IL34: variants seen among roughly 807,000 people sequenced by gnomAD.
The protein encoded by IL34 is interleukin-34.
Under a neutral mutation model 25.3 loss-of-function variants are expected in IL34, and 17 were observed. The ratio of observed to expected loss-of-function variants is 0.67; its 90% CI spans 0.46 to 1.01. IL34 has a LOEUF of 1.01. IL34 is among the 50% of genes least tolerant of loss of function. IL34 has a pLI of 0.00. For synonymous variants in IL34, 174 were observed against 140.9 expected (o/e 1.23, Z -1.66); for missense variants, 368 against 312.9 (o/e 1.18, Z -1.33).
chr16:70,655,862 C>T (rs1299295113), intron 2 of IL34, among the ~76,000 whole-genome samples: 1 of 152,212 alleles, frequency 6.6e-6, no homozygotes, highest in African/African-American at 2.4e-5. Context: ...GCGTGAGCCA[C>T]TGCACCTGGC....
chr16:70,620,020 T>G (rs2051247227), intron 1 of IL34, among the ~76,000 whole-genome samples: 1 of 151,838 alleles, frequency 6.6e-6, no homozygotes, highest in Admixed American at 6.6e-5. Flanking sequence ...TGGCTGGGGT[T>G]TGTCTCACAG....
At chr16:70,645,118 AGAG>A (rs201952663), upstream of IL34, among the ~76,000 whole-genome samples, 1 of 104,006 alleles carries the variant, frequency 9.6e-6, no homozygotes, top group Non-Finnish European at 2.2e-5. Flanking sequence ...AGGAGGAAGA[AGAG>A]GGAGGAAGGA....
chr16:70,635,778 C>T (rs1198529121), intron 1 of IL34, among the ~76,000 whole-genome samples: 1 of 152,176 alleles, frequency 6.6e-6, no homozygotes, highest in African/African-American at 2.4e-5. Flanking sequence ...CATTTTTTTA[C>T]TATTAGTAAT....
chr16:70,627,051 C>G (rs1286025662), intron 1 of IL34, among the ~76,000 whole-genome samples: 6 of 152,054 alleles, frequency 3.9e-5, no homozygotes, highest in African/African-American at 1.4e-4. Flanking sequence ...TGGTCTTGAA[C>G]TTCTGGACTC....
chr16:70,603,172 A>G (rs1191251654), intron 1 of IL34, among the ~76,000 whole-genome samples: 1 of 152,244 alleles, frequency 6.6e-6, no homozygotes, highest in Non-Finnish European at 1.5e-5. Flanking sequence ...AATGTAAGAG[A>G]CAGTTCTTCT....
chr16:70,590,380 G>C (rs1278900038), intron 1 of IL34, among the ~76,000 whole-genome samples: 2 of 152,212 alleles, frequency 1.3e-5, no homozygotes, highest in Non-Finnish European at 2.9e-5. Flanking sequence ...GGATTGGGGA[G>C]CTCCCCATTA....
intron 1 of IL34, among the ~76,000 whole-genome samples, chr16:70,625,635 A>G (rs896301660): frequency 1.3e-5 from 2 of 152,126 alleles, no homozygotes; most frequent in Non-Finnish European, 2.9e-5. Context: ...ATAATCAGAG[A>G]GGTGTCCCTG....
rs2052100296 is a variant in IL34, at chr16:70,652,285, C to T, written c.29-2253C>T. ...AGCCTGGGCAAAACAGCAAGACCTC[C>T]TCTCTACAAAAAATTAAAAAAAAAA... On this transcript the variant is annotated intron_variant, in intron 1 of 5. Coordinates refer to ENST00000288098, the MANE Select transcript of IL34 (RefSeq NM_001393494.1). Among the ~76,000 whole-genome samples the T allele has an allele frequency of 5.3e-5, 8 of 151,988 alleles. No homozygotes were observed. In the South Asian group the frequency reaches 1.5e-3, roughly 28 times the overall value.
intron 4 of IL34, 106 bp downstream of exon 4, chr16:70,657,227 G>T (rs961436902): frequency 1.1e-5 from 13 of 1,180,488 alleles, no homozygotes; most frequent in Non-Finnish European, 1.5e-5. Context: ...TGAATACACG[G>T]AAAGATGGGC....
At chr16:70,632,888 G>A (rs759135745) in intron 1 of IL34, among the ~76,000 whole-genome samples, 12 of 152,154 alleles carry the variant, frequency 7.9e-5, no homozygotes, top group Non-Finnish European at 1.5e-4. Context: ...CCAGCTTGCT[G>A]TTTCCAACCA....
At chr16:70,596,680 G>A (rs906890304) in intron 1 of IL34, among the ~76,000 whole-genome samples, 2 of 152,188 alleles carry the variant, frequency 1.3e-5, no homozygotes, top group African/African-American at 4.8e-5. Flanking sequence ...GGGGTAGAGC[G>A]ACTATTGCCT....
At chr16:70,618,838 T>C (rs756438335) in intron 1 of IL34, among the ~76,000 whole-genome samples, 4 of 152,118 alleles carry the variant, frequency 2.6e-5, no homozygotes, top group Admixed American at 6.5e-5. Flanking sequence ...CTGTGAAGCT[T>C]TGCAGCAGTA....
rs573927442 is a variant in IL34 at position 70,583,028 on chromosome 16, G to T, written c.-401+2979G>T. 2.0e-5 allele frequency among the ~76,000 whole-genome samples: 3 copies of T among 152,274 alleles called. No individual in the cohort carries two copies. The South Asian group carries it at 6.2e-4, about 32-fold the overall frequency. On this transcript the variant is annotated intron_variant, in intron 1 of 6. Coordinates refer to the IL34 transcript ENST00000429149. ...GGCGGAGTGGGAGATGAGATGAGGGGAGGTGGTAGGGATACGATTTTGAAG... is the reference window on the plus strand; with the variant it reads ...GGCGGAGTGGGAGATGAGATGAGGGTAGGTGGTAGGGATACGATTTTGAAG...
chr16:70,628,088 T>C (rs4985413), intron 1 of IL34, among the ~76,000 whole-genome samples: 69,759 of 152,042 alleles, frequency 0.46, 18,744 homozygotes, highest in African/African-American at 0.76. Flanking sequence ...TATTCTACAT[T>C]GTTGCAACAC....
At chr16:70,601,557 C>A (rs1046258388) in intron 1 of IL34, among the ~76,000 whole-genome samples, 20 of 152,060 alleles carry the variant, frequency 1.3e-4, no homozygotes, top group African/African-American at 4.3e-4. Context: ...TACCACCCTG[C>A]CCGGCTATTT....
chr16:70,651,199 C>G (rs1167323746), intron 1 of IL34, among the ~76,000 whole-genome samples: 2 of 151,946 alleles, frequency 1.3e-5, no homozygotes, highest in African/African-American at 4.8e-5. Flanking sequence ...AGAGAAGAGT[C>G]TCTGGGAGGC....
intron 1 of IL34, among the ~76,000 whole-genome samples, chr16:70,587,355 C>T (rs1158414795): frequency 2.0e-5 from 3 of 152,030 alleles, no homozygotes; most frequent in Non-Finnish European, 2.9e-5. Context: ...CTGCAAGCTC[C>T]GCCTCCCGGG....
intron 1 of IL34, among the ~76,000 whole-genome samples, chr16:70,613,766 T>C: frequency 6.6e-6 from 1 of 151,592 alleles, no homozygotes; most frequent in Non-Finnish European, 1.5e-5. Flanking sequence ...CCCAGCTACT[T>C]GGGAAGCTGA....
chr16:70,652,127 C>CAA (rs143991484), intron 1 of IL34, among the ~76,000 whole-genome samples: 16,537 of 143,170 alleles, frequency 0.12, 1,918 homozygotes, highest in African/African-American at 0.29. Context: ...GACTCCGTCT[C>CAA]AAAAAAAAAA....
Sources: allele counts gnomAD v4.1 joint callset (sites outside exome capture counted in the v4.1 genomes callset), GRCh38; gene constraint gnomAD v4.1.1; transcripts MANE v1.5; gene names NCBI Gene and HGNC (gene_info 2026-07-23, HGNC 2026-07-21).